Variants in ARHGDIB observed in about 807,000 individuals in gnomAD.
ARHGDIB encodes Rho GDP dissociation inhibitor beta.
A neutral mutation model predicts 22.6 loss-of-function variants in ARHGDIB; 20 were observed. That is an observed-to-expected ratio of 0.88 (90% confidence interval 0.62 to 1.28). The LOEUF (loss-of-function observed/expected upper bound fraction) is 1.28, where lower values mean the gene tolerates loss of function less well. Among genes scored for constraint, ARHGDIB ranks in the 50% most tolerant of loss-of-function variants. The pLI is 0.00. For synonymous variants in ARHGDIB, 114 were observed against 96.1 expected, an observed-to-expected ratio of 1.19 and a Z score of -1.09; for missense variants, 254 against 245.4, an observed-to-expected ratio of 1.04 and a Z score of -0.23.
At chr12:14,952,277 CAAA>C (rs3084566) in intron 1 of ARHGDIB, among the ~76,000 whole-genome samples, 14 of 127,298 alleles carry the variant, frequency 1.1e-4, no homozygotes, top group East Asian at 2.3e-4. Flanking sequence ...TTAATGGAAC[CAAA>C]AAAAAAAAAA....
intron 4 of ARHGDIB, among the ~76,000 whole-genome samples, chr12:14,946,414 C>T (rs549605679): frequency 6.6e-6 from 1 of 152,274 alleles, no homozygotes; most frequent in African/African-American, 2.4e-5. Context: ...TAAATGCAAA[C>T]TTTCTTGGAC....
intron 1 of ARHGDIB, among the ~76,000 whole-genome samples, chr12:14,952,723 A>G (rs936940226): frequency 6.6e-6 from 1 of 152,208 alleles, no homozygotes; most frequent in African/African-American, 2.4e-5. Flanking sequence ...TGATCCCCGG[A>G]GGATGGGGGC....
rs1046129429 is a variant in ARHGDIB, at chr12:14,942,707, A to G, written c.421T>C (p.Phe141Leu). 1 of 1,613,998 alleles carries G rather than the reference A, an allele frequency of 6.2e-7. No individual in the cohort carries two copies. The highest frequency in any genetic ancestry group is 1.3e-5 in the African/African-American group (1 of 75,048). ...CGAGGTCCATAGCTGCCAACCATAAATGTTGCTTTATCCACTAAGAAGAAA... is the reference window on the plus strand; with the variant it reads ...CGAGGTCCATAGCTGCCAACCATAAGTGTTGCTTTATCCACTAAGAAGAAA... ...RTGVKVDKAT[F>L]MVGSYGPRPE... is the part of the protein sequence containing the mutation. The change falls in exon 6 of 6, where the codon TTT (phenylalanine) becomes CTT (leucine). Residue 141 changes from phenylalanine to leucine, a missense_variant. Physicochemically the swap from Phe to Leu is conservative, Grantham distance 22. Transcript: ENST00000228945.
At chr12:14,959,056 G>A (rs1197251519) in intron 1 of ARHGDIB, among the ~76,000 whole-genome samples, 1 of 152,168 alleles carries the variant, frequency 6.6e-6, no homozygotes, top group Non-Finnish European at 1.5e-5. Context: ...TCAGGAGGTC[G>A]AGGCTGCAGT....
chr12:14,954,435 G>A (rs769533000), intron 1 of ARHGDIB, among the ~76,000 whole-genome samples: 1 of 152,228 alleles, frequency 6.6e-6, no homozygotes, highest in Non-Finnish European at 1.5e-5. Context: ...AAGCCCAGGT[G>A]CACATGGGTG....
At chr12:14,943,324 A>G (rs1863920465) in intron 5 of ARHGDIB, among the ~76,000 whole-genome samples, 1 of 151,388 alleles carries the variant, frequency 6.6e-6, no homozygotes, top group Admixed American at 6.6e-5. Context: ...TACAAAGTTG[A>G]TTCTGAGGTA....
intron 1 of ARHGDIB, chr12:14,961,319 T>A (rs1311671843): frequency 6.6e-6 from 1 of 152,236 alleles, no homozygotes; most frequent in Non-Finnish European, 1.5e-5. Flanking sequence ...ACCCTCCTTT[T>A]TTAAGCCTCC....
chr12:14,948,099 T>TGTGC (rs1565460667), intron 3 of ARHGDIB, 150 bp from the exon 4 acceptor site: 1 of 309,778 alleles, frequency 3.2e-6, no homozygotes, highest in Middle Eastern at 4.7e-4. Flanking sequence ...GTTTAGTCCT[T>TGTGC]GCACACACAC....
intron 5 of ARHGDIB, among the ~76,000 whole-genome samples, chr12:14,943,781 A>C (rs1428242845): frequency 6.6e-6 from 1 of 152,208 alleles, no homozygotes; most frequent in Non-Finnish European, 1.5e-5. Flanking sequence ...AAAAGTATAC[A>C]TAGGCAGATA....
chr12:14,947,748 C>T lies in ARHGDIB; in HGVS notation c.342+125G>A, dbSNP rs190396461. ...AGGGCTGGGAAGAGGACATTCCAGA[C>T]CCAGCTTGGGGGTACTAGGGGAGAA... On this transcript the variant is annotated intron_variant, in intron 4 of 5. Transcript: ENST00000228945. 28 of 804,370 alleles carry T rather than the reference C, an allele frequency of 3.5e-5. No homozygotes were observed. In the Admixed American group the frequency reaches 6.1e-4, roughly 18 times the overall value. The allele number at this position is 804,370 out of a possible 1,614,324, so 49.8% of individuals were successfully genotyped here.
rs2120657277 is a variant in ARHGDIB at position 14,942,359 on chromosome 12, C to T, written c.*163G>A. On this transcript the variant is annotated 3_prime_UTR_variant, in exon 6 of 6. Coordinates refer to ENST00000228945, the MANE Select transcript of ARHGDIB (RefSeq NM_001175.7). Reference sequence around the variant, plus strand: ...AAAGCCCGGTTTTAAGCCTCTTGTTCTAGGGACCACGTTGAGTGACAGGGT... The same window carrying T: ...AAAGCCCGGTTTTAAGCCTCTTGTTTTAGGGACCACGTTGAGTGACAGGGT... 2.6e-6 allele frequency: 2 copies of T among 777,126 alleles called. No individual in the cohort carries two copies. Among genetic ancestry groups the T allele is most frequent in the Non-Finnish European group, 4.1e-6 (2 of 482,598 alleles). The allele number at this position is 777,126 out of a possible 1,614,324, so 48.1% of individuals were successfully genotyped here.
intron 1 of ARHGDIB, among the ~76,000 whole-genome samples, chr12:14,951,320 A>C (rs1336065206): frequency 1.3e-5 from 2 of 152,184 alleles, no homozygotes; most frequent in African/African-American, 4.8e-5. Context: ...CATGGTTCAC[A>C]CCCAACACTG....
chr12:14,956,662 G>A (rs1864307125), intron 1 of ARHGDIB, among the ~76,000 whole-genome samples: 2 of 152,150 alleles, frequency 1.3e-5, no homozygotes, highest in African/African-American at 4.8e-5. Flanking sequence ...AGGCCCCAAA[G>A]CACATATCAT....
At chr12:14,943,858 C>A (rs1381925610) in intron 5 of ARHGDIB, among the ~76,000 whole-genome samples, 1 of 152,186 alleles carries the variant, frequency 6.6e-6, no homozygotes, top group Non-Finnish European at 1.5e-5. Context: ...TGTCACTGTC[C>A]TTTTGTCTAA....
chr12:14,948,155 AC>A (rs1864073922), intron 3 of ARHGDIB, among the ~76,000 whole-genome samples: 1 of 151,260 alleles, frequency 6.6e-6, no homozygotes, highest in Non-Finnish European at 1.5e-5. Context: ...CTGAAATCTT[AC>A]AGCTCTGTTA....
chr12:14,949,896 G>C lies in ARHGDIB; in HGVS notation c.182-11C>G. On this transcript the variant is annotated splice_polypyrimidine_tract_variant and intron_variant, in intron 2 of 5. Transcript: ENST00000228945. ...TGGGGGCTTTCGGATCTGCAGGATC[G>C]AAAGGGAATGTAAGTACCAAGAAGA... 1 of 1,611,894 alleles carries C rather than the reference G, an allele frequency of 6.2e-7. No individual in the cohort carries two copies. The highest frequency in any genetic ancestry group is 8.5e-7 in the Non-Finnish European group (1 of 1,178,772).
chr12:14,950,931 CTGTACCAT>C, intron 1 of ARHGDIB: 1 of 457,862 alleles, frequency 2.2e-6, no homozygotes, highest in Non-Finnish European at 3.8e-6. Flanking sequence ...CTGAATTTCT[CTGTACCAT>C]TGTAGTATCT....
At chr12:14,959,741 T>C (rs755958678) in intron 1 of ARHGDIB, among the ~76,000 whole-genome samples, 1 of 152,092 alleles carries the variant, frequency 6.6e-6, no homozygotes, top group Non-Finnish European at 1.5e-5. Context: ...AAACTCATGC[T>C]CTCCAAAGCA....
At position 14,947,921 on chromosome 12, in the gene ARHGDIB, G is replaced by A; in HGVS notation, c.294C>T (p.Thr98=). 1 of 1,613,154 alleles carries A rather than the reference G, an allele frequency of 6.2e-7. No individual in the cohort carries two copies. Among genetic ancestry groups the A allele is most frequent in the Non-Finnish European group, 8.5e-7 (1 of 1,179,184 alleles). ...ATTCAGAACCTTCCTTTAACACAAT[G>A]GTTTCCTTTTTGAGGGCTTCCAGAT... ...TGDLEALKKE[T]IVLKEGSEYR... The change falls in exon 4 of 6, where the codon ACC becomes ACT. Residue 98 remains threonine (T), a synonymous_variant. Transcript: ENST00000228945.
Sources: allele counts gnomAD v4.1 joint callset (sites outside exome capture counted in the v4.1 genomes callset), GRCh38; gene constraint gnomAD v4.1.1; transcripts MANE v1.5; gene names NCBI Gene and HGNC (gene_info 2026-07-23, HGNC 2026-07-21).